TOP1MT: variants seen among roughly 807,000 people sequenced by gnomAD.
The protein encoded by TOP1MT is DNA topoisomerase I, mitochondrial.
TOP1MT carries 80 observed loss-of-function variants against 73.9 expected under a neutral mutation model. The ratio of observed to expected loss-of-function variants is 1.08; its 90% CI spans 0.90 to 1.30. TOP1MT has a LOEUF of 1.30. Ranked by LOEUF, TOP1MT falls within the 50% of genes most tolerant of loss-of-function variation. The pLI is 0.00. For synonymous variants in TOP1MT, 338 were observed against 326.4 expected, an observed-to-expected ratio of 1.04 and a Z score of -0.38; for missense variants, 815 against 808.0, an observed-to-expected ratio of 1.01 and a Z score of -0.10.
At chr8:143,315,202 C>T (rs1816123296) in intron 12 of TOP1MT, among the ~76,000 whole-genome samples, 1 of 152,200 alleles carries the variant, frequency 6.6e-6, no homozygotes, top group Non-Finnish European at 1.5e-5. Flanking sequence ...ATCCGGAGGC[C>T]TAACCGTCTC....
intron 12 of TOP1MT, chr8:143,310,552 A>G (rs142410215): frequency 2.1e-4 from 45 of 214,764 alleles, no homozygotes; most frequent in South Asian, 6.8e-4. Context: ...AGCAAACACA[A>G]ATGTCCTTTA....
intron 3 of TOP1MT, 137 bp downstream of exon 3, chr8:143,329,213 G>T: frequency 1.0e-6 from 1 of 974,992 alleles, no homozygotes; most frequent in Non-Finnish European, 1.5e-6. Flanking sequence ...GCTGCAAAGA[G>T]CCATGACGGC....
At chr8:143,358,868 A>G (rs1289086911), upstream of TOP1MT, among the ~76,000 whole-genome samples, 2 of 152,188 alleles carry the variant, frequency 1.3e-5, no homozygotes, top group Non-Finnish European at 2.9e-5. Flanking sequence ...GATGGTGCTT[A>G]TTCCTGACCC....
chr8:143,310,906 G>A (rs1170790480), intron 12 of TOP1MT, among the ~76,000 whole-genome samples: 1 of 151,904 alleles, frequency 6.6e-6, no homozygotes, highest in East Asian at 1.9e-4. Flanking sequence ...AACAGAGGAA[G>A]AGCCAGCACG....
Position 143,326,213 on chromosome 8 carries a change from C to A in TOP1MT, c.483+9G>T, listed in dbSNP as rs1294669317. The A allele has an allele frequency of 6.2e-7, 1 of 1,613,540 alleles. No individual in the cohort carries two copies. The highest frequency in any genetic ancestry group is 8.5e-7 in the Non-Finnish European group (1 of 1,179,924). ...ACTTCAGGTCACACAACGCTCGAGG[C>A]AGCCCAACCTGCTTCTCCTCCCTGC... is the stretch of plus-strand genomic sequence containing the variant. On this transcript the variant is annotated intron_variant, in intron 4 of 13. Transcript: ENST00000329245.
intron 1 of TOP1MT, among the ~76,000 whole-genome samples, chr8:143,351,611 G>A (rs1297127078): frequency 6.6e-6 from 1 of 150,916 alleles, no homozygotes; most frequent in Non-Finnish European, 1.5e-5. Flanking sequence ...GAAAAGGAAA[G>A]TAAAACAATT....
intron 1 of TOP1MT, 77 bp downstream of exon 1, chr8:143,334,663 G>GC (rs1054910211): frequency 5.4e-5 from 85 of 1,562,760 alleles, no homozygotes; most frequent in Admixed American, 1.2e-4. Flanking sequence ...GTCCCACGAG[G>GC]CCTGCCACTC....
At chr8:143,348,317 C>G (rs1223769229), upstream of TOP1MT, among the ~76,000 whole-genome samples, 1 of 152,192 alleles carries the variant, frequency 6.6e-6, no homozygotes, top group Non-Finnish European at 1.5e-5. The surrounding 1 kb of genome is among the most constrained non-coding windows in gnomAD (Gnocchi z 4.6). Flanking sequence ...CATGAGACCA[C>G]CTGGGGCAAC....
chr8:143,322,084 A>G (rs1816433657), intron 7 of TOP1MT, among the ~76,000 whole-genome samples: 1 of 81,336 alleles, frequency 1.2e-5, no homozygotes, highest in African/African-American at 3.9e-5. Context: ...CGCCACACAC[A>G]GGCATGCCAA....
upstream of TOP1MT, among the ~76,000 whole-genome samples, chr8:143,347,519 C>T (rs1299262352): frequency 1.3e-5 from 2 of 152,216 alleles, no homozygotes; most frequent in African/African-American, 2.4e-5. Context: ...TCTTGAACTC[C>T]TGACCTCAAG....
chr8:143,331,520 C>T (rs868772500), intron 1 of TOP1MT, among the ~76,000 whole-genome samples, 181 bp from the exon 2 acceptor site: 6 of 152,204 alleles, frequency 3.9e-5, no homozygotes, highest in African/African-American at 1.4e-4. Flanking sequence ...AGACCCCATG[C>T]CCGTGTACCC....
intron 12 of TOP1MT, among the ~76,000 whole-genome samples, chr8:143,315,036 A>G (rs1816116136): frequency 6.6e-6 from 1 of 152,110 alleles, no homozygotes; most frequent in African/African-American, 2.4e-5. Flanking sequence ...TTGCCAGGCC[A>G]ACCATGGTCT....
At chr8:143,326,375 A>G in intron 3 of TOP1MT, 31 bp from the exon 4 acceptor site, 1 of 1,613,112 alleles carries the variant, frequency 6.2e-7, no homozygotes. Context: ...CGCTCTCACC[A>G]TGTCTGAAGG....
chr8:143,317,250 C>A (rs1018322435), intron 10 of TOP1MT, among the ~76,000 whole-genome samples: 13 of 152,130 alleles, frequency 8.5e-5, no homozygotes, highest in Non-Finnish European at 1.5e-4. Flanking sequence ...GAGGCCCTCG[C>A]CAAGCTTAGA....
At chr8:143,340,631 T>C (rs2130398153) in intron 2 of TOP1MT, among the ~76,000 whole-genome samples, 1 of 152,266 alleles carries the variant, frequency 6.6e-6, no homozygotes, top group African/African-American at 2.4e-5. Context: ...CCCAGGGCAA[T>C]GGCGAGGCCA....
At position 143,324,143 on chromosome 8, in the gene TOP1MT, CT is replaced by C. The variant is rs769133631; in HGVS notation, c.817-2del. The C allele has an allele frequency of 1.9e-6, 3 of 1,613,036 alleles. No homozygotes were observed. In the South Asian group the frequency reaches 3.3e-5, roughly 18 times the overall value. On this transcript the variant is annotated splice_acceptor_variant, in intron 6 of 13. Transcript: ENST00000329245. LOFTEE classifies it high-confidence loss of function. ...CAAACTTCTGCCAAGCTGTCTCCCC[CT>C]AAACGAAGAAAATAACAGGAAAGAA...
Position 143,309,517 on chromosome 8 carries a change from T to C in TOP1MT, c.1730A>G (p.Glu577Gly). Residue 577 changes from glutamate to glycine, a missense_variant, in exon 14 of 14, where the codon GAG becomes GGG. Glu to Gly is a moderately conservative substitution (Grantham distance 98). Around this residue, in one of 3 missense-constraint regions of TOP1MT, gnomAD observed 751 missense variants for 725.4 expected, o/e 1.04. Coordinates refer to ENST00000329245, the MANE Select transcript of TOP1MT (RefSeq NM_052963.3). ...AWCKRFRVPV[E>G]KIYSKTQRER... Reference sequence around the variant, plus strand: ...CCGCTGTGTTTTGCTGTAGATCTTCTCCACTGGCACCCTGAACCGCTTGCA... The same window carrying C: ...CCGCTGTGTTTTGCTGTAGATCTTCCCCACTGGCACCCTGAACCGCTTGCA... The C allele has an allele frequency of 6.2e-7, 1 of 1,614,012 alleles. No homozygotes were observed. Among genetic ancestry groups the C allele is most frequent in the Non-Finnish European group, 8.5e-7 (1 of 1,180,012 alleles).
chr8:143,323,282 C>CGCCACACGCAT (rs1816582259), intron 7 of TOP1MT, among the ~76,000 whole-genome samples: 1 of 98,882 alleles, frequency 1.0e-5, no homozygotes, highest in Non-Finnish European at 2.1e-5. Flanking sequence ...CACACACGCA[C>CGCCACACGCAT]GCCACACACG....
chr8:143,335,022 G>T, upstream of TOP1MT: 1 of 695,782 alleles, frequency 1.4e-6, no homozygotes, highest in Non-Finnish European at 1.9e-6. Context: ...GCGGCAGCAG[G>T]ACCACTGACT....
Sources: gnomAD v4.1 joint callset for allele counts (sites outside exome capture counted in the v4.1 genomes callset) on GRCh38, gnomAD v4.1.1 for gene constraint, gnomAD v4.1.1 regional missense constraint, Gnocchi (gnomAD v3.1) non-coding constraint, MANE v1.5 for transcripts, NCBI Gene and HGNC (gene_info 2026-07-23, HGNC 2026-07-21) for gene names.